The following ARMC12 variants were observed in gnomAD, a reference collection of about 807,000 sequenced individuals.
ARMC12 encodes the protein armadillo repeat-containing protein 12.
A neutral mutation model predicts 37.4 loss-of-function variants in ARMC12; 25 were observed. The observed-to-expected ratio is 0.67, with a 90% CI of 0.49 to 0.93. The LOEUF (loss-of-function observed/expected upper bound fraction) is 0.93. ARMC12 is among the 40% of genes least tolerant of loss of function. The pLI, the probability that ARMC12 is intolerant of heterozygous loss-of-function variation, is 0.00. For missense variants in ARMC12, 384 were observed against 426.6 expected (o/e 0.90, Z 0.88); for synonymous variants, 167 against 176.1 (o/e 0.95, Z 0.41).
chr6:35,747,576 G>T lies in ARMC12; in HGVS notation c.619G>T (p.Val207Leu), dbSNP rs904223476. ...ILQSDYILAQ[V>L]QAVRLLSYLA... ...ATGCTTTACTCTTTCCTTTATTCAGGTGCAAGCCGTACGACTGCTGAGCTA... is the reference window on the plus strand; with the variant it reads ...ATGCTTTACTCTTTCCTTTATTCAGTTGCAAGCCGTACGACTGCTGAGCTA... The change falls in exon 5 of 6, where the codon GTG becomes TTG. Residue 207 changes from valine (V) to leucine (L), a missense_variant and splice_region_variant. Coordinates refer to ENST00000373866, the MANE Select transcript of ARMC12 (RefSeq NM_001286574.2). 3 of 1,614,146 alleles carry T rather than the reference G, an allele frequency of 1.9e-6. No individual in the cohort carries two copies. Among genetic ancestry groups the T allele is most frequent in the Non-Finnish European group, 2.5e-6 (3 of 1,180,002 alleles).
chr6:35,736,495 A>G (rs745310722), upstream of ARMC12, among the ~76,000 whole-genome samples: 1 of 152,200 alleles, frequency 6.6e-6, no homozygotes, highest in Non-Finnish European at 1.5e-5. Context: ...CAGCCTCTGG[A>G]GCTACCTGCT....
chr6:35,745,785 C>G (rs950584844), intron 3 of ARMC12, among the ~76,000 whole-genome samples: 3 of 152,220 alleles, frequency 2.0e-5, no homozygotes, highest in African/African-American at 7.2e-5. Context: ...GAGGCTCAGG[C>G]CTGTAAACCC....
intron 3 of ARMC12, among the ~76,000 whole-genome samples, chr6:35,745,314 G>A (rs1338314816): frequency 1.3e-5 from 2 of 152,142 alleles, no homozygotes; most frequent in Non-Finnish European, 2.9e-5. Flanking sequence ...ATATTGATAT[G>A]CACAACAACT....
In ARMC12 at chr6:35,738,071, C is replaced by T; in HGVS notation, c.208C>T (p.Leu70Phe). Residue 70 changes from leucine to phenylalanine, a missense_variant, in exon 2 of 6, where the codon CTC (leucine) becomes TTC (phenylalanine). Transcript: ENST00000373866. ...GCGGCACGGGCGGGACTCAGGTGAG[C>T]TCCGGAGGCTCCTCAACTCTTTGGA... ...RERHGRDSGE[L>F]RRLLNSLECK... 6.2e-7 allele frequency: 1 copy of T among 1,614,006 alleles called. No homozygotes were observed. The highest frequency in any genetic ancestry group is 8.5e-7 in the Non-Finnish European group (1 of 1,180,036).
upstream of ARMC12, among the ~76,000 whole-genome samples, chr6:35,733,227 T>C (rs1200781014): frequency 1.3e-5 from 2 of 151,904 alleles, no homozygotes; most frequent in African/African-American, 4.8e-5. Context: ...AGGTAGTGGG[T>C]AAGTGGAAGG....
In ARMC12 at chr6:35,738,174, T is replaced by A. The variant is rs1581920383; in HGVS notation, c.309+2T>A. 1.9e-6 allele frequency: 3 copies of A among 1,608,004 alleles called. No individual in the cohort carries two copies. The African/African-American group carries it at 4.0e-5, about 22-fold the overall frequency. ...TGTGTGTACTTGCTGGAGGCTGAGGTAAGGGAAGCAGGAGGTCCCCCCTAG... is the reference window on the plus strand; with the variant it reads ...TGTGTGTACTTGCTGGAGGCTGAGGAAAGGGAAGCAGGAGGTCCCCCCTAG... On this transcript the variant is annotated splice_donor_variant, in intron 2 of 5. Transcript: ENST00000373866. LOFTEE classifies it high-confidence loss of function.
intron 3 of ARMC12, among the ~76,000 whole-genome samples, chr6:35,740,722 T>G (rs767153779): frequency 1.3e-5 from 2 of 152,146 alleles, no homozygotes; most frequent in Non-Finnish European, 2.9e-5. Flanking sequence ...ACCATATATG[T>G]ATGTATCCTT....
rs908397704 is a variant in ARMC12 at position 35,738,288 on chromosome 6, G to GGGGC, written c.310-93_310-92insCGGG. 4,659 of 1,400,854 alleles carry GGGGC rather than the reference G, an allele frequency of 3.3e-3. 72 individuals carry two copies. Among genetic ancestry groups the GGGGC allele is most frequent in the Middle Eastern group, 8.9e-3 (35 of 3,930 alleles). 86.8% of individuals were successfully genotyped at this position (1,400,854 alleles called of 1,614,324 possible). A position where few individuals can be genotyped will look rare whatever the true frequency, so the allele number is the denominator to read the frequency against. ...GACCTCTCTCTGGCTGATAGCGGTG[G>GGGGC]GGGGGGGGTGTGCGGAGGGATCTTG... On this transcript the variant is annotated intron_variant, in intron 2 of 5. Transcript: ENST00000373866.
At chr6:35,743,040 T>C (rs891153376) in intron 3 of ARMC12, among the ~76,000 whole-genome samples, 1 of 152,116 alleles carries the variant, frequency 6.6e-6, no homozygotes, top group African/African-American at 2.4e-5. Flanking sequence ...ACTTGCTGAC[T>C]CCAACCTGTC....
chr6:35,747,057 T>TTAAAAAAAAAA (rs1767358658), intron 3 of ARMC12, among the ~76,000 whole-genome samples: 3 of 82,546 alleles, frequency 3.6e-5, no homozygotes, highest in African/African-American at 1.1e-4. Context: ...AAGAAGTCTG[T>TTAAAAAAAAAA]AAAAAAAAAA....
chr6:35,738,840 G>C (rs774733760), intron 3 of ARMC12, among the ~76,000 whole-genome samples: 2 of 152,142 alleles, frequency 1.3e-5, no homozygotes, highest in Non-Finnish European at 2.9e-5. Context: ...ATTCAATTCA[G>C]TTCAGACACT....
At chr6:35,736,452 A>T (rs183935307), upstream of ARMC12, among the ~76,000 whole-genome samples, 4 of 152,308 alleles carry the variant, frequency 2.6e-5, no homozygotes, top group Non-Finnish European at 5.9e-5. Flanking sequence ...CAGCCCGGAA[A>T]TGGACCTCTG....
intron 2 of ARMC12, 96 bp from the exon 3 acceptor site, chr6:35,738,288 G>GTT (rs1554141445): frequency 1.0e-5 from 14 of 1,400,782 alleles, no homozygotes; most frequent in African/African-American, 1.6e-5. Context: ...GATAGCGGTG[G>GTT]GGGGGGGGTG....
Position 35,748,701 on chromosome 6 carries a change from G to T in ARMC12, c.854G>T (p.Gly285Val). The change falls in exon 6 of 6, where the codon GGG becomes GTG. Residue 285 changes from glycine (G) to valine (V), a missense_variant. Coordinates refer to ENST00000373866, the MANE Select transcript of ARMC12 (RefSeq NM_001286574.2). The stretch of plus-strand genomic sequence containing the variant: ...CAGTCCCTGCATGAATCCCTCTTTG[G>T]GGAAGAGTCCCGACTGGCAGACCGA... Reference protein sequence around the residue: ...NEQSLHESLFGEESRLADRLL... With the variant: ...NEQSLHESLFVEESRLADRLL... 6.2e-7 allele frequency: 1 copy of T among 1,614,152 alleles called. No individual in the cohort carries two copies. Among genetic ancestry groups the T allele is most frequent in the Non-Finnish European group, 8.5e-7 (1 of 1,180,026 alleles).
chr6:35,732,087 G>T (rs971229369), upstream of ARMC12, among the ~76,000 whole-genome samples: 1 of 152,182 alleles, frequency 6.6e-6, no homozygotes, highest in Non-Finnish European at 1.5e-5. Context: ...GAGCAAGACC[G>T]GGGGAGGCCC....
chr6:35,731,564 C>G, the ARMC12 span, among the ~76,000 whole-genome samples: 1 of 152,178 alleles, frequency 6.6e-6, no homozygotes, highest in East Asian at 1.9e-4. Flanking sequence ...CCCTCCGCAT[C>G]CGAACCTGGG....
intron 3 of ARMC12, 66 bp downstream of exon 3, chr6:35,738,584 T>C: frequency 6.4e-7 from 1 of 1,573,142 alleles, no homozygotes; most frequent in Non-Finnish European, 8.7e-7. Context: ...TTAATTGCCA[T>C]AGGATAAATG....
upstream of ARMC12, among the ~76,000 whole-genome samples, chr6:35,735,525 T>C (rs1001908287): frequency 2.6e-5 from 4 of 152,124 alleles, no homozygotes; most frequent in Non-Finnish European, 1.5e-5. This position sits in a 1 kb window ranked among gnomAD's most constrained non-coding sequence, Gnocchi z 4.0. Flanking sequence ...TTGGAGATGC[T>C]GTTTCCCTAC....
rs200515528 is a variant in ARMC12, at chr6:35,737,402, C to G, written c.163+131C>G. On this transcript the variant is annotated intron_variant, in intron 1 of 5. Coordinates refer to ENST00000373866, the MANE Select transcript of ARMC12 (RefSeq NM_001286574.2). The stretch of plus-strand genomic sequence containing the variant: ...CTTTGTCTTTCTCTTGTCCATCTTC[C>G]TCAAGCCCACCCTGCAGCGTCCTAG... The G allele has an allele frequency of 1.9e-6, 3 of 1,608,108 alleles. No homozygotes were observed. In the African/African-American group the frequency reaches 4.0e-5, roughly 21 times the overall value.
Sources: gnomAD v4.1 joint callset for allele counts (sites outside exome capture counted in the v4.1 genomes callset) on GRCh38, gnomAD v4.1.1 for gene constraint, Gnocchi (gnomAD v3.1) non-coding constraint, MANE v1.5 for transcripts, NCBI Gene and HGNC (gene_info 2026-07-23, HGNC 2026-07-21) for gene names.